The following LRP1B variants were observed in gnomAD, a reference collection of about 807,000 sequenced individuals.
LRP1B encodes low-density lipoprotein receptor-related protein 1B.
LRP1B carries 217 observed loss-of-function variants against 556.6 expected under a neutral mutation model. The observed-to-expected ratio is 0.39, with a 90% CI of 0.35 to 0.44. The LOEUF (loss-of-function observed/expected upper bound fraction) is 0.44. Ranked by LOEUF, LRP1B falls within the 20% of genes least tolerant of loss-of-function variation. The probability of loss-of-function intolerance (pLI) is 1.00; values close to 1 mark genes in which losing one functional copy is unlikely to be tolerated. For synonymous variants in LRP1B, 2,047 were observed against 1,865.8 expected, an observed-to-expected ratio of 1.10 and a Z score of -2.50; for missense variants, 5,053 against 5,620.8, an observed-to-expected ratio of 0.90 and a Z score of 3.23.
At chr2:140,667,138 T>C (rs148990368) in intron 41 of LRP1B, among the ~76,000 whole-genome samples, 1 of 152,276 alleles carries the variant, frequency 6.6e-6, no homozygotes, top group East Asian at 1.9e-4. Context: ...TGCTGCTTGA[T>C]GAGAGAAAGA....
At chr2:141,030,760 C>T (rs1698345479) in intron 11 of LRP1B, among the ~76,000 whole-genome samples, 1 of 151,794 alleles carries the variant, frequency 6.6e-6, no homozygotes, top group Non-Finnish European at 1.5e-5. Context: ...ACAGTAGATG[C>T]ATATTTTGAT....
intron 7 of LRP1B, among the ~76,000 whole-genome samples, chr2:141,113,379 C>G (rs892282294): frequency 6.6e-6 from 1 of 152,152 alleles, no homozygotes; most frequent in Admixed American, 6.6e-5. Context: ...ATGAGGGTGA[C>G]TTGCCTTAAA....
chr2:140,257,966 G>A (rs938879354), intron 86 of LRP1B, among the ~76,000 whole-genome samples: 4 of 152,132 alleles, frequency 2.6e-5, no homozygotes, highest in Non-Finnish European at 5.9e-5. Flanking sequence ...AGCAAATTGT[G>A]CAGCCAGCCT....
intron 3 of LRP1B, among the ~76,000 whole-genome samples, chr2:141,456,642 T>G (rs1281386165): frequency 6.6e-6 from 1 of 152,132 alleles, no homozygotes; most frequent in East Asian, 1.9e-4. Flanking sequence ...AGATATGAAA[T>G]GAAAATATTA....
intron 1 of LRP1B, among the ~76,000 whole-genome samples, chr2:141,994,868 T>C (rs1316186372): frequency 6.6e-6 from 1 of 152,128 alleles, no homozygotes; most frequent in African/African-American, 2.4e-5. Flanking sequence ...AAGATTGAGA[T>C]TATGCTTTCC....
intron 2 of LRP1B, among the ~76,000 whole-genome samples, chr2:141,776,354 A>G (rs949855244): frequency 1.1e-4 from 17 of 152,192 alleles, no homozygotes; most frequent in African/African-American, 4.1e-4. Context: ...TGCATGAGGC[A>G]TTTTGGCGAG....
At chr2:141,864,996 T>C (rs1455819761) in intron 1 of LRP1B, among the ~76,000 whole-genome samples, 1 of 152,078 alleles carries the variant, frequency 6.6e-6, no homozygotes, top group African/African-American at 2.4e-5. Flanking sequence ...TTTGCAGTGT[T>C]TATAGGTCAC....
Position 141,826,390 on chromosome 2 carries a change from C to G in LRP1B, c.83-15989G>C, listed in dbSNP as rs551291222. Among the ~76,000 whole-genome samples, 417 of 122,764 alleles carry G rather than the reference C, an allele frequency of 3.4e-3. 2 individuals carry two copies. The highest frequency in any genetic ancestry group is 0.012 in the African/African-American group (397 of 32,064). 80.5% of individuals were successfully genotyped at this position (122,764 alleles called of 152,430 possible). A position where few individuals can be genotyped will look rare whatever the true frequency, so the allele number is the denominator to read the frequency against. On this transcript the variant is annotated intron_variant, in intron 1 of 90. Coordinates refer to ENST00000389484, the MANE Select transcript of LRP1B (RefSeq NM_018557.3). ...TTTTTTTTTTTTTGAGACGGAGTCT[C>G]GCTCTGTCCCCCAGGCTGGAGTGCA...
chr2:141,543,165 A>C (rs1685327467), intron 2 of LRP1B, among the ~76,000 whole-genome samples: 1 of 152,088 alleles, frequency 6.6e-6, no homozygotes, highest in African/African-American at 2.4e-5. Flanking sequence ...TGTAGTCAGG[A>C]AGAATTTGCA....
At chr2:141,008,735 G>T (rs139127270) in intron 14 of LRP1B, among the ~76,000 whole-genome samples, 1 of 151,944 alleles carries the variant, frequency 6.6e-6, no homozygotes, top group African/African-American at 2.4e-5. Flanking sequence ...ATAGTGCCCA[G>T]CATAGAGTGT....
chr2:140,594,161 G>A (rs474275), intron 43 of LRP1B, among the ~76,000 whole-genome samples: 53,218 of 151,756 alleles, frequency 0.35, 9,518 homozygotes, highest in African/African-American at 0.37. Flanking sequence ...GTAGAAATGG[G>A]GTTTCACCAT....
At chr2:141,815,054 A>C (rs1404354983) in intron 1 of LRP1B, among the ~76,000 whole-genome samples, 1 of 152,172 alleles carries the variant, frequency 6.6e-6, no homozygotes, top group East Asian at 1.9e-4. Context: ...AAAAATCTGG[A>C]GTAGACTCAT....
At chr2:140,903,578 T>C (rs916957392) in intron 22 of LRP1B, among the ~76,000 whole-genome samples, 1 of 152,102 alleles carries the variant, frequency 6.6e-6, no homozygotes, top group Non-Finnish European at 1.5e-5. Flanking sequence ...CATATCTTGA[T>C]GTTAATAAAT....
At chr2:142,051,022 G>A (rs1559043588) in intron 1 of LRP1B, among the ~76,000 whole-genome samples, 1 of 152,090 alleles carries the variant, frequency 6.6e-6, no homozygotes, top group African/African-American at 2.4e-5. Flanking sequence ...TAATGGGGGT[G>A]GGAAAGAGGC....
intron 1 of LRP1B, among the ~76,000 whole-genome samples, chr2:142,094,461 G>A (rs1706284625): frequency 1.3e-5 from 2 of 152,148 alleles, no homozygotes; most frequent in South Asian, 2.1e-4. Context: ...TTCAACTGAT[G>A]TATAGCTATA....
rs1217397981 is a variant in LRP1B at position 140,776,083 on chromosome 2, ATTAGTGTGAT to A, written c.5500+5_5500+14del. 5 of 1,542,208 alleles carry A rather than the reference ATTAGTGTGAT, an allele frequency of 3.2e-6. No homozygotes were observed. Among genetic ancestry groups the A allele is most frequent in the Non-Finnish European group, 4.4e-6 (5 of 1,147,650 alleles). ...CGTATTCAAGACCTGGCACAAATTCATTAGTGTGATTTACCTTGCTGTGCTTCTTTATCAT... is the reference window on the plus strand; with the variant it reads ...CGTATTCAAGACCTGGCACAAATTCATTACCTTGCTGTGCTTCTTTATCAT... On this transcript the variant is annotated splice_donor_5th_base_variant and intron_variant, in intron 33 of 90. Coordinates refer to ENST00000389484, the MANE Select transcript of LRP1B (RefSeq NM_018557.3).
chr2:141,508,607 G>T (rs1202667946), intron 2 of LRP1B, among the ~76,000 whole-genome samples: 2 of 151,194 alleles, frequency 1.3e-5, no homozygotes, highest in Non-Finnish European at 2.9e-5. Flanking sequence ...TTCTGGTATA[G>T]TTGTCTCTTG....
chr2:141,124,080 C>T (rs992005999), intron 7 of LRP1B, among the ~76,000 whole-genome samples: 3 of 151,960 alleles, frequency 2.0e-5, no homozygotes, highest in African/African-American at 7.2e-5. Flanking sequence ...TCTTTATTTG[C>T]TAATTTATTT....
At chr2:141,797,204 G>A (rs12373782) in intron 2 of LRP1B, among the ~76,000 whole-genome samples, 10,454 of 120,262 alleles carry the variant, frequency 0.087, 492 homozygotes, top group Non-Finnish European at 0.1. Flanking sequence ...TATATCTTCA[G>A]GGAATTCAAG....
Sources: gnomAD v4.1 joint callset for allele counts (sites outside exome capture counted in the v4.1 genomes callset) on GRCh38, gnomAD v4.1.1 for gene constraint, MANE v1.5 for transcripts, NCBI Gene and HGNC (gene_info 2026-07-23, HGNC 2026-07-21) for gene names.